Variants in KCNIP4 observed in about 807,000 individuals in gnomAD.
The protein encoded by KCNIP4 is Kv channel-interacting protein 4.
KCNIP4 carries 12 observed loss-of-function variants against 34.0 expected under a neutral mutation model. The observed-to-expected ratio is 0.35, with a 90% CI of 0.23 to 0.57. The LOEUF (loss-of-function observed/expected upper bound fraction) is 0.57. Among genes scored for constraint, KCNIP4 ranks in the 20% least tolerant of loss-of-function variants. The pLI is 0.83. For missense variants in KCNIP4, 238 were observed against 311.7 expected (o/e 0.76, Z 1.78); for synonymous variants, 124 against 102.2 (o/e 1.21, Z -1.29).
intron 1 of KCNIP4, among the ~76,000 whole-genome samples, chr4:20,919,393 C>T (rs1729156136): frequency 7.5e-6 from 1 of 133,216 alleles, no homozygotes. Flanking sequence ...TTCTTACTCT[C>T]ATTTTTTCCA....
At chr4:21,840,788 A>G (rs1048695139) in intron 1 of KCNIP4, among the ~76,000 whole-genome samples, 1 of 152,214 alleles carries the variant, frequency 6.6e-6, no homozygotes, top group African/African-American at 2.4e-5. Flanking sequence ...GACACTATGT[A>G]TTAATTTGTT....
intron 1 of KCNIP4, chr4:21,849,622 A>G (rs1724244549): frequency 6.6e-6 from 1 of 152,130 alleles, no homozygotes; most frequent in Admixed American, 6.6e-5. Flanking sequence ...CAGATACGAC[A>G]GTACTTATAC....
At chr4:20,925,212 C>A (rs1032707687) in intron 1 of KCNIP4, among the ~76,000 whole-genome samples, 2 of 152,068 alleles carry the variant, frequency 1.3e-5, no homozygotes, top group African/African-American at 4.8e-5. Flanking sequence ...CAAGTCATAT[C>A]CATGACTATT....
chr4:21,090,190 A>G (rs1746871094), intron 1 of KCNIP4, among the ~76,000 whole-genome samples: 2 of 152,118 alleles, frequency 1.3e-5, no homozygotes, highest in South Asian at 2.1e-4. Context: ...TTCTCATTAC[A>G]CATATTTTTT....
At chr4:20,895,506 G>T (rs1037791869) in intron 1 of KCNIP4, among the ~76,000 whole-genome samples, 2 of 152,154 alleles carry the variant, frequency 1.3e-5, no homozygotes, top group African/African-American at 4.8e-5. Context: ...TGCTTCAAAT[G>T]CCAGAAGAAA....
intron 1 of KCNIP4, among the ~76,000 whole-genome samples, chr4:21,078,466 C>CAG (rs147813088): frequency 3.3e-5 from 5 of 151,496 alleles, no homozygotes; most frequent in South Asian, 2.1e-4. Flanking sequence ...CTCATATTCT[C>CAG]AGAGAGAGAG....
intron 1 of KCNIP4, among the ~76,000 whole-genome samples, chr4:21,578,904 A>G (rs1279139583): frequency 1.3e-5 from 2 of 152,180 alleles, no homozygotes; most frequent in Admixed American, 1.3e-4. Flanking sequence ...TTAGAGACCA[A>G]TTGTTTTGCA....
chr4:21,906,233 AAG>A (rs1727995426), intron 1 of KCNIP4, among the ~76,000 whole-genome samples: 1 of 152,110 alleles, frequency 6.6e-6, no homozygotes, highest in South Asian at 2.1e-4. Context: ...CTTATTTGGG[AAG>A]AGTCTTTGCA....
chr4:21,066,884 C>A (rs1042041709), intron 1 of KCNIP4, among the ~76,000 whole-genome samples: 1 of 152,126 alleles, frequency 6.6e-6, no homozygotes, highest in African/African-American at 2.4e-5. Context: ...GGCCAGGGGA[C>A]TTGGAGTGCA....
chr4:21,687,458 A>T (rs533590075), intron 1 of KCNIP4, among the ~76,000 whole-genome samples: 1 of 152,300 alleles, frequency 6.6e-6, no homozygotes, highest in East Asian at 1.9e-4. Flanking sequence ...ACTTCCAATG[A>T]CTATGTAATG....
chr4:21,363,684 A>G (rs1425538526), intron 1 of KCNIP4, among the ~76,000 whole-genome samples: 1 of 152,142 alleles, frequency 6.6e-6, no homozygotes, highest in Admixed American at 6.6e-5. Context: ...GATGATTTTG[A>G]CTATCATCAC....
chr4:20,803,203 A>G (rs1714580837), intron 3 of KCNIP4, among the ~76,000 whole-genome samples: 1 of 152,038 alleles, frequency 6.6e-6, no homozygotes, highest in African/African-American at 2.4e-5. Context: ...TACATTAAAA[A>G]AAGAAGAAAG....
chr4:21,637,074 G>A (rs903774786), intron 1 of KCNIP4, among the ~76,000 whole-genome samples: 3 of 152,012 alleles, frequency 2.0e-5, no homozygotes, highest in South Asian at 4.1e-4. Flanking sequence ...AATTGGTTCC[G>A]GGACCTCCTT....
chr4:21,453,053 T>C (rs371854432), intron 1 of KCNIP4, among the ~76,000 whole-genome samples: 2 of 152,136 alleles, frequency 1.3e-5, no homozygotes, highest in African/African-American at 4.8e-5. Flanking sequence ...TAATTCCTTA[T>C]GGCCAGTCAT....
intron 1 of KCNIP4, among the ~76,000 whole-genome samples, chr4:21,423,764 T>C (rs889594837): frequency 2.6e-5 from 4 of 152,200 alleles, no homozygotes; most frequent in Admixed American, 2.6e-4. Context: ...TGCTCTTTGT[T>C]TCAATGTACA....
intron 1 of KCNIP4, among the ~76,000 whole-genome samples, chr4:21,528,814 A>G (rs1296983993): frequency 9.8e-6 from 1 of 101,840 alleles, no homozygotes; most frequent in African/African-American, 3.6e-5. Context: ...GAAGGAAGGA[A>G]GGAAGGAAGG....
chr4:21,801,093 C>T (rs1720963536), intron 1 of KCNIP4, among the ~76,000 whole-genome samples: 2 of 152,136 alleles, frequency 1.3e-5, no homozygotes, highest in African/African-American at 4.8e-5. Context: ...AACTAAGGTT[C>T]AGAGACTTTT....
At chr4:21,558,950 C>A (rs1739295094) in intron 1 of KCNIP4, among the ~76,000 whole-genome samples, 1 of 152,060 alleles carries the variant, frequency 6.6e-6, no homozygotes, top group Non-Finnish European at 1.5e-5. Context: ...TATTTCAAGT[C>A]AAAAAAATTA....
Position 20,778,922 on chromosome 4 carries a change from A to AT in KCNIP4, c.289-20033dup, listed in dbSNP as rs573831086. On this transcript the variant is annotated intron_variant, in intron 3 of 8. Coordinates refer to ENST00000382152, the MANE Select transcript of KCNIP4 (RefSeq NM_025221.6). ...TTGGAATGAGTATGTCTTCTAATGC[A>AT]TTTTTTAAGGGTGAATGAGACTTGA... 1.3e-3 allele frequency among the ~76,000 whole-genome samples: 199 copies of AT among 152,258 alleles called. 4 individuals are homozygous for AT. The South Asian group carries it at 0.04, about 31-fold the overall frequency.
Sources: allele counts gnomAD v4.1 joint callset (sites outside exome capture counted in the v4.1 genomes callset), GRCh38; gene constraint gnomAD v4.1.1; transcripts MANE v1.5; gene names NCBI Gene and HGNC (gene_info 2026-07-23, HGNC 2026-07-21).